REDIC1: variants seen among roughly 807,000 people sequenced by gnomAD.
The protein encoded by REDIC1 is regulator of DNA class I crossover intermediates 1.
At chr12:39,666,131 C>T in the REDIC1 span, among the ~76,000 whole-genome samples, 5 of 152,158 alleles carry the variant, frequency 3.3e-5, no homozygotes, top group African/African-American at 1.2e-4. Context: ...AGAGGGCATC[C>T]CTGTCTTGTG....
At chr12:39,905,734 C>A in the REDIC1 span, among the ~76,000 whole-genome samples, 1 of 149,310 alleles carries the variant, frequency 6.7e-6, no homozygotes, top group Non-Finnish European at 1.5e-5. Context: ...AGGAAGCAAT[C>A]ATGTATATCT....
At chr12:39,849,662 C>A in the REDIC1 span, among the ~76,000 whole-genome samples, 1 of 152,138 alleles carries the variant, frequency 6.6e-6, no homozygotes, top group African/African-American at 2.4e-5. Context: ...TTCTCTCTGA[C>A]AGGATAATTA....
chr12:39,813,609 T>C, the REDIC1 span, among the ~76,000 whole-genome samples: 1 of 152,306 alleles, frequency 6.6e-6, no homozygotes, highest in East Asian at 1.9e-4. Context: ...TGTTCACACT[T>C]TCCTGGTTGT....
At chr12:39,851,435 T>A in the REDIC1 span, among the ~76,000 whole-genome samples, 1 of 152,168 alleles carries the variant, frequency 6.6e-6, no homozygotes, top group Non-Finnish European at 1.5e-5. Flanking sequence ...ACTTTATATA[T>A]TGATAATTAT....
At chr12:39,629,301 A>G in the REDIC1 span, among the ~76,000 whole-genome samples, 1 of 152,244 alleles carries the variant, frequency 6.6e-6, no homozygotes, top group East Asian at 1.9e-4. Context: ...GTCTGCATTA[A>G]GACACTTAAA....
At chr12:39,698,389 C>T in the REDIC1 span, among the ~76,000 whole-genome samples, 23 of 142,362 alleles carry the variant, frequency 1.6e-4, no homozygotes, top group East Asian at 4.1e-4. Context: ...ACTCCCAATA[C>T]GATAATAGTT....
At chr12:39,721,009 T>C in the REDIC1 span, 8 of 1,613,782 alleles carry the variant, frequency 5.0e-6, no homozygotes, top group South Asian at 7.7e-5. Context: ...GCAGTGCAAT[T>C]CAGCCCACAT....
the REDIC1 span, among the ~76,000 whole-genome samples, chr12:39,709,087 A>T: frequency 6.6e-6 from 1 of 151,790 alleles, no homozygotes; most frequent in African/African-American, 2.4e-5. Context: ...TTCCTCACAT[A>T]GATTCTGCAT....
At chr12:39,789,373 C>T in the REDIC1 span, among the ~76,000 whole-genome samples, 1 of 151,948 alleles carries the variant, frequency 6.6e-6, no homozygotes, top group African/African-American at 2.4e-5. Context: ...CAGGTAGATG[C>T]CTTTAGCTAC....
At chr12:39,771,544 G>A in the REDIC1 span, among the ~76,000 whole-genome samples, 1 of 152,238 alleles carries the variant, frequency 6.6e-6, no homozygotes, top group African/African-American at 2.4e-5. Context: ...GAGCCTTAGA[G>A]GAAACCATAG....
At chr12:39,716,333 G>T in the REDIC1 span, among the ~76,000 whole-genome samples, 2 of 151,798 alleles carry the variant, frequency 1.3e-5, no homozygotes, top group African/African-American at 4.8e-5. Flanking sequence ...GGTTTTATTC[G>T]CATCTTTTGA....
At chr12:39,844,803 G>C in the REDIC1 span, among the ~76,000 whole-genome samples, 1 of 151,898 alleles carries the variant, frequency 6.6e-6, no homozygotes, top group East Asian at 1.9e-4. Context: ...TAAAGATAAA[G>C]AAATACCTAA....
At chr12:39,704,614 C>G in the REDIC1 span, among the ~76,000 whole-genome samples, 3 of 151,868 alleles carry the variant, frequency 2.0e-5, no homozygotes, top group Admixed American at 6.6e-5. Context: ...TATAAAGACA[C>G]ATGCACACGT....
chr12:39,723,427 G>A, the REDIC1 span, among the ~76,000 whole-genome samples: 1 of 151,580 alleles, frequency 6.6e-6, no homozygotes, highest in Non-Finnish European at 1.5e-5. Context: ...TATATTCAGA[G>A]TGGAAAGTGA....
the REDIC1 span, among the ~76,000 whole-genome samples, chr12:39,840,442 C>G: frequency 1.3e-5 from 2 of 152,022 alleles, no homozygotes; most frequent in Non-Finnish European, 2.9e-5. Flanking sequence ...AAATCATACT[C>G]CTTTTATGGC....
At chr12:39,826,249 C>T in the REDIC1 span, among the ~76,000 whole-genome samples, 1 of 151,752 alleles carries the variant, frequency 6.6e-6, no homozygotes, top group East Asian at 1.9e-4. Context: ...ATAGTCTCTG[C>T]TTGTTTTTGT....
At chr12:39,777,796 C>G in the REDIC1 span, among the ~76,000 whole-genome samples, 1 of 152,156 alleles carries the variant, frequency 6.6e-6, no homozygotes, top group African/African-American at 2.4e-5. Flanking sequence ...CGGATGAGAG[C>G]CCAGTCCACT....
At chr12:39,639,423 T>C in the REDIC1 span, among the ~76,000 whole-genome samples, 3 of 151,954 alleles carry the variant, frequency 2.0e-5, 1 homozygote, top group South Asian at 6.2e-4. Flanking sequence ...TAATGAGAAG[T>C]ATATTAAAGA....
chr12:39,883,998 A>G, the REDIC1 span, among the ~76,000 whole-genome samples: 2 of 152,162 alleles, frequency 1.3e-5, no homozygotes, highest in Non-Finnish European at 2.9e-5. Context: ...TTCTTTACAC[A>G]TTTCCAATTT....
Sources: allele counts gnomAD v4.1 joint callset (sites outside exome capture counted in the v4.1 genomes callset), GRCh38; gene constraint gnomAD v4.1.1; transcripts MANE v1.5; gene names NCBI Gene and HGNC (gene_info 2026-07-23, HGNC 2026-07-21).